Variants in SLC4A8 observed in about 807,000 individuals in gnomAD.
SLC4A8 encodes the protein electroneutral sodium bicarbonate exchanger 1.
A neutral mutation model predicts 125.0 loss-of-function variants in SLC4A8; 40 were observed. The ratio of observed to expected loss-of-function variants is 0.32; its 90% CI spans 0.25 to 0.42. The LOEUF is 0.42. Ranked by LOEUF, SLC4A8 falls within the 10% of genes least tolerant of loss-of-function variation. SLC4A8 has a pLI of 1.00. For synonymous variants in SLC4A8, 456 were observed against 476.0 expected (o/e 0.96, Z 0.55); for missense variants, 863 against 1,355.1 (o/e 0.64, Z 5.70).
At chr12:51,463,749 A>T in intron 11 of SLC4A8, 35 bp downstream of exon 11, 20 of 1,420,340 alleles carry the variant, frequency 1.4e-5, no homozygotes, top group Non-Finnish European at 2.0e-5. Flanking sequence ...GATGCTGCTT[A>T]TTGGGTAGAA....
At chr12:51,503,084 C>T (rs902623645) in intron 22 of SLC4A8, among the ~76,000 whole-genome samples, 17 of 148,026 alleles carry the variant, frequency 1.1e-4, no homozygotes, top group African/African-American at 2.7e-4. Flanking sequence ...CCTCGTGATC[C>T]GCCCACCTCA....
intron 1 of SLC4A8, chr12:51,403,071 A>C: frequency 3.2e-6 from 1 of 315,818 alleles, no homozygotes; most frequent in South Asian, 2.3e-5. Context: ...TTTTTTTTAA[A>C]GGACAATTAT....
At chr12:51,499,050 G>A (rs182834071) in intron 22 of SLC4A8, among the ~76,000 whole-genome samples, 51 of 150,270 alleles carry the variant, frequency 3.4e-4, no homozygotes, top group Non-Finnish European at 7.4e-5. Context: ...GTATGTTGGC[G>A]CATGCCTATA....
chr12:51,471,223 T>C, intron 13 of SLC4A8, 64 bp from the exon 14 acceptor site: 1 of 1,503,288 alleles, frequency 6.7e-7, no homozygotes. Flanking sequence ...TAACCACATT[T>C]CTGACTCCTT....
chr12:51,452,405 G>A (rs765110714), intron 4 of SLC4A8, 146 bp downstream of exon 4: 2 of 881,518 alleles, frequency 2.3e-6, no homozygotes, highest in Non-Finnish European at 3.6e-6. Flanking sequence ...CTCCTGTGGA[G>A]AATTTTGGTG....
At chr12:51,506,397 C>T (rs575752725) in intron 24 of SLC4A8, among the ~76,000 whole-genome samples, 1 of 151,782 alleles carries the variant, frequency 6.6e-6, no homozygotes, top group East Asian at 1.9e-4. Context: ...TAAATTGTAA[C>T]TGGTTTTTTT....
At chr12:51,469,528 A>ATT in intron 11 of SLC4A8, 86 bp from the exon 12 acceptor site, 2 of 1,254,198 alleles carry the variant, frequency 1.6e-6, no homozygotes, top group Non-Finnish European at 2.3e-6. Flanking sequence ...AACAGAGCAC[A>ATT]TTTGAAATGC....
At chr12:51,396,214 C>T (rs755718267) in intron 1 of SLC4A8, among the ~76,000 whole-genome samples, 22 of 152,218 alleles carry the variant, frequency 1.4e-4, no homozygotes, top group Non-Finnish European at 2.2e-4. Context: ...TGTTTTTCTT[C>T]TTTCCTTCCT....
At position 51,452,146 on chromosome 12, in the gene SLC4A8, G is replaced by T; in HGVS notation, c.300G>T (p.Gln100His). ...LAHDTPSQRV[Q>H]FILGTEEDEE... Reference sequence around the variant, plus strand: ...TAGACACACCATCTCAGCGTGTTCAGTTCATTCTTGGCACCGAGGAAGATG... The same window carrying T: ...TAGACACACCATCTCAGCGTGTTCATTTCATTCTTGGCACCGAGGAAGATG... Residue 100 changes from glutamine (Q) to histidine (H), a missense_variant, in exon 4 of 25, where the codon CAG becomes CAT. Physicochemically the swap from Gln to His is conservative, Grantham distance 24. Around this residue, in one of 6 missense-constraint regions of SLC4A8, gnomAD observed 390 missense variants for 634.4 expected, o/e 0.61. Transcript: ENST00000453097. 1 of 1,614,194 alleles carries T rather than the reference G, an allele frequency of 6.2e-7. No homozygotes were observed. The highest frequency in any genetic ancestry group is 1.7e-5 in the Admixed American group (1 of 60,024).
intron 4 of SLC4A8, among the ~76,000 whole-genome samples, chr12:51,452,658 G>A (rs558168330): frequency 6.6e-6 from 1 of 152,160 alleles, no homozygotes; most frequent in Non-Finnish European, 1.5e-5. Context: ...TGAACCACAG[G>A]GTTCAAATTC....
intron 1 of SLC4A8, among the ~76,000 whole-genome samples, chr12:51,430,985 AT>A (rs1485256574): frequency 6.6e-6 from 1 of 152,248 alleles, no homozygotes; most frequent in East Asian, 1.9e-4. Flanking sequence ...CAGAAATCTG[AT>A]ACAGGTCTCA....
intron 1 of SLC4A8, among the ~76,000 whole-genome samples, chr12:51,392,580 A>AAG (rs1555183490): frequency 6.6e-6 from 1 of 150,856 alleles, no homozygotes; most frequent in African/African-American, 2.4e-5. Flanking sequence ...TCAAAAAAAA[A>AAG]AAAAAAGAAA....
rs1475009542 is a variant in SLC4A8 at position 51,471,295 on chromosome 12, C to G, written c.1667C>G (p.Ala556Gly). The G allele has an allele frequency of 1.2e-6, 2 of 1,611,402 alleles. No homozygotes were observed. The highest frequency in any genetic ancestry group is 1.7e-5 in the Admixed American group (1 of 60,014). Residue 556 changes from alanine to glycine, a missense_variant, in exon 14 of 25, where the codon GCT (alanine) becomes GGT (glycine). Around this residue, in one of 6 missense-constraint regions of SLC4A8, gnomAD observed 390 missense variants for 634.4 expected, o/e 0.61. Coordinates refer to ENST00000453097, the MANE Select transcript of SLC4A8 (RefSeq NM_001039960.3). Reference sequence around the variant, plus strand: ...CTTTGGTCTTGTTTCAGAGACTATGCTCTTTCATACCTCTCCCTGCGAGCT... The same window carrying G: ...CTTTGGTCTTGTTTCAGAGACTATGGTCTTTCATACCTCTCCCTGCGAGCT... ...KILFKFCKDY[A>G]LSYLSLRACI...
intron 1 of SLC4A8, among the ~76,000 whole-genome samples, chr12:51,437,055 G>A (rs1360283422): frequency 6.6e-6 from 1 of 152,056 alleles, no homozygotes; most frequent in East Asian, 1.9e-4. Context: ...TTTTTCCATG[G>A]TAGTAATAAT....
At chr12:51,400,211 G>A (rs537372346) in intron 1 of SLC4A8, among the ~76,000 whole-genome samples, 13 of 152,318 alleles carry the variant, frequency 8.5e-5, no homozygotes, top group African/African-American at 2.9e-4. Flanking sequence ...AGACTGCAAA[G>A]GAAGCCCTAA....
At chr12:51,404,171 A>C (rs909387317) in intron 1 of SLC4A8, among the ~76,000 whole-genome samples, 1 of 152,186 alleles carries the variant, frequency 6.6e-6, no homozygotes, top group Non-Finnish European at 1.5e-5. Flanking sequence ...AGCTACATGA[A>C]GGGGTTAGAT....
At chr12:51,457,322 G>C in intron 5 of SLC4A8, 29 bp from the exon 6 acceptor site, 2 of 1,602,824 alleles carry the variant, frequency 1.2e-6, no homozygotes, top group Non-Finnish European at 1.7e-6. Flanking sequence ...CCCTCAATCT[G>C]AGTGTTCATG....
intron 2 of SLC4A8, chr12:51,441,321 A>G (rs1186227662): frequency 1.8e-6 from 1 of 560,112 alleles, no homozygotes; most frequent in Admixed American, 6.3e-5. Context: ...AGTTCATAAC[A>G]TCAAAGTTAT....
At chr12:51,429,342 T>G (rs1949110541) in intron 1 of SLC4A8, among the ~76,000 whole-genome samples, 1 of 152,192 alleles carries the variant, frequency 6.6e-6, no homozygotes, top group Non-Finnish European at 1.5e-5. Flanking sequence ...CCTATAACAG[T>G]ACCTGTCTCT....
Sources: allele counts gnomAD v4.1 joint callset (sites outside exome capture counted in the v4.1 genomes callset), GRCh38; gene constraint gnomAD v4.1.1; regional missense constraint gnomAD v4.1.1; transcripts MANE v1.5; gene names NCBI Gene and HGNC (gene_info 2026-07-23, HGNC 2026-07-21).